The following DPH5 variants were observed in gnomAD, a reference collection of about 807,000 sequenced individuals.
The protein encoded by DPH5 is diphthamide biosynthesis 5, also known as diphthine methyl ester synthase.
Under a neutral mutation model 31.6 loss-of-function variants are expected in DPH5, and 31 were observed. The observed-to-expected ratio is 0.98, with a 90% confidence interval of 0.74 to 1.32. DPH5 has a LOEUF of 1.32. Among genes scored for constraint, DPH5 ranks in the 40% most tolerant of loss-of-function variants. The probability of loss-of-function intolerance (pLI) is 0.00; values close to 1 mark genes in which losing one functional copy is unlikely to be tolerated. For missense variants in DPH5, 309 were observed against 335.7 expected, an observed-to-expected ratio of 0.92 and a Z score of 0.62; for synonymous variants, 120 against 115.0, an observed-to-expected ratio of 1.04 and a Z score of -0.28.
chr1:101,019,451 G>C (rs1323626310), intron 3 of DPH5, among the ~76,000 whole-genome samples: 1 of 152,008 alleles, frequency 6.6e-6, no homozygotes, highest in Admixed American at 6.5e-5. Flanking sequence ...TTTGTCATGT[G>C]TCATTTTACC....
Position 100,993,530 on chromosome 1 carries a change from C to T in DPH5, c.531-790G>A, listed in dbSNP as rs139239274. Among the ~76,000 whole-genome samples, 647 of 117,792 alleles carry T rather than the reference C, an allele frequency of 5.5e-3. 4 individuals carry two copies. The highest frequency in any genetic ancestry group is 0.019 in the African/African-American group (587 of 31,440). The allele number at this position is 117,792 out of a possible 152,430, so 77.3% of individuals were successfully genotyped here. ...TGACACCACTGCACTCCAGCCTGGGCGACAGAGCAAGACTCTGTCGAAAAT... is the reference window on the plus strand; with the variant it reads ...TGACACCACTGCACTCCAGCCTGGGTGACAGAGCAAGACTCTGTCGAAAAT... On this transcript the variant is annotated intron_variant, in intron 6 of 7. Transcript: ENST00000370109.
intron 7 of DPH5, among the ~76,000 whole-genome samples, chr1:100,992,361 T>A (rs1463643520): frequency 6.6e-6 from 1 of 152,154 alleles, no homozygotes; most frequent in Non-Finnish European, 1.5e-5. Flanking sequence ...TACAGTAATA[T>A]ATTTATATCA....
rs747348598 is a variant in DPH5, at chr1:100,990,582, G to A, written c.684C>T (p.Asp228=). The change falls in exon 8 of 8, where the codon GAC becomes GAT. Residue 228 remains aspartate, a synonymous_variant. Transcript: ENST00000370109. ...LCVGLARVGA[D]DQKIAAGTLR... ...AAGTGCCTGCTGCAATTTTCTGGTC[G>A]TCGGCTCCAACCCTGGCTAAGCCAA... is the stretch of plus-strand genomic sequence containing the variant. 19 of 1,613,840 alleles carry A rather than the reference G, an allele frequency of 1.2e-5. No homozygotes were observed. Among genetic ancestry groups the A allele is most frequent in the East Asian group, 2.2e-5 (1 of 44,878 alleles).
At chr1:101,004,734 A>G (rs546467014) in intron 4 of DPH5, among the ~76,000 whole-genome samples, 1 of 152,330 alleles carries the variant, frequency 6.6e-6, no homozygotes, top group African/African-American at 2.4e-5. Flanking sequence ...CCCCACTAAG[A>G]GGGCATCTGA....
At chr1:100,996,009 A>C (rs1658317651) in intron 5 of DPH5, 1 of 152,230 alleles carries the variant, frequency 6.6e-6, no homozygotes, top group Non-Finnish European at 1.5e-5. Flanking sequence ...CTTATAAAGG[A>C]TATCAAAGAG....
chr1:101,001,454 C>T lies in DPH5; in HGVS notation c.490+13G>A. The T allele has an allele frequency of 6.2e-7, 1 of 1,606,042 alleles. No individual in the cohort carries two copies. Among genetic ancestry groups the T allele is most frequent in the Non-Finnish European group, 8.5e-7 (1 of 1,177,594 alleles). On this transcript the variant is annotated intron_variant, in intron 5 of 7. Coordinates refer to ENST00000370109, the MANE Select transcript of DPH5 (RefSeq NM_015958.3). ...TCCATATTGTTACTTCAAGGAAATTCCAAAACCCTTACCTAGTAAACATAA... is the reference window on the plus strand; with the variant it reads ...TCCATATTGTTACTTCAAGGAAATTTCAAAACCCTTACCTAGTAAACATAA...
chr1:101,025,476 G>C lies in DPH5; in HGVS notation c.-23-10C>G. 6.2e-7 allele frequency: 1 copy of C among 1,611,602 alleles called. No homozygotes were observed. Among genetic ancestry groups the C allele is most frequent in the Non-Finnish European group, 8.5e-7 (1 of 1,179,474 alleles). The stretch of plus-strand genomic sequence containing the variant: ...TTGAGGAGAAGAGAGACTGCAAGAC[G>C]AAGTGGACAGAAAAACCGTCAGTAA... On this transcript the variant is annotated splice_polypyrimidine_tract_variant and intron_variant, in intron 1 of 7. Transcript: ENST00000370109.
chr1:100,998,842 C>T (rs551582994), intron 5 of DPH5, among the ~76,000 whole-genome samples: 1 of 152,214 alleles, frequency 6.6e-6, no homozygotes, highest in African/African-American at 2.4e-5. Flanking sequence ...CAGGGTGCAG[C>T]ACATGAGATT....
intron 4 of DPH5, among the ~76,000 whole-genome samples, chr1:101,011,895 CTTTT>C (rs11352737): frequency 1.8e-5 from 2 of 108,172 alleles, no homozygotes; most frequent in Non-Finnish European, 1.9e-5. Context: ...ATTATCAATT[CTTTT>C]TTTTTTTTTT....
chr1:101,024,536 A>C (rs1660689054), intron 2 of DPH5, among the ~76,000 whole-genome samples: 1 of 152,204 alleles, frequency 6.6e-6, no homozygotes. Context: ...CTGAGGCCTA[A>C]AAATTTTAAG....
intron 2 of DPH5, 52 bp from the exon 3 acceptor site, chr1:101,021,817 A>AACAC (rs67726104): frequency 0.14 from 99,238 of 731,950 alleles, 4,210 homozygotes; most frequent in East Asian, 0.21. Flanking sequence ...TGACCATTCT[A>AACAC]ACACACACAC....
intron 4 of DPH5, among the ~76,000 whole-genome samples, chr1:101,012,894 G>A (rs1428843138): frequency 6.6e-6 from 1 of 152,176 alleles, no homozygotes; most frequent in Non-Finnish European, 1.5e-5. Context: ...CATAGCATTG[G>A]TGCCTGATGC....
intron 1 of DPH5, 42 bp from the exon 2 acceptor site, chr1:101,025,508 G>A: frequency 4.4e-6 from 7 of 1,591,670 alleles, no homozygotes; most frequent in Non-Finnish European, 6.0e-6. Flanking sequence ...GTAACACCGA[G>A]GACATCTAAA....
chr1:101,014,686 G>A (rs1248260967), intron 3 of DPH5, among the ~76,000 whole-genome samples: 1 of 151,942 alleles, frequency 6.6e-6, no homozygotes, highest in Non-Finnish European at 1.5e-5. Flanking sequence ...AGATTTCTCT[G>A]TAGCATGCAA....
intron 7 of DPH5, among the ~76,000 whole-genome samples, chr1:100,991,309 T>C (rs1293584178): frequency 1.3e-5 from 2 of 152,194 alleles, no homozygotes; most frequent in African/African-American, 4.8e-5. Flanking sequence ...AATGGTTGTA[T>C]TGTTTAGTTG....
intron 4 of DPH5, 100 bp downstream of exon 4, chr1:101,013,610 G>A: frequency 2.3e-6 from 2 of 857,142 alleles, no homozygotes; most frequent in Non-Finnish European, 3.6e-6. Flanking sequence ...ATAGTAGTAT[G>A]TTTTATGATT....
chr1:101,016,014 A>T lies in DPH5; in HGVS notation c.261-2196T>A, dbSNP rs113596676. 6.4e-3 allele frequency among the ~76,000 whole-genome samples: 968 copies of T among 152,266 alleles called. 16 individuals are homozygous for T. Among genetic ancestry groups the T allele is most frequent in the African/African-American group, 0.02 (840 of 41,534 alleles). On this transcript the variant is annotated intron_variant, in intron 3 of 7. Coordinates refer to ENST00000370109, the MANE Select transcript of DPH5 (RefSeq NM_015958.3). Reference sequence around the variant, plus strand: ...CTATCAGCAATAAGTCTGTTTTACTACCTTATCATTAGAGCATTCGTAAGA... The same window carrying T: ...CTATCAGCAATAAGTCTGTTTTACTTCCTTATCATTAGAGCATTCGTAAGA...
chr1:101,005,923 G>A (rs1659193390), intron 4 of DPH5, among the ~76,000 whole-genome samples: 2 of 152,098 alleles, frequency 1.3e-5, no homozygotes, highest in South Asian at 2.1e-4. Flanking sequence ...TGGGGGAGGT[G>A]AGGGGGGGAG....
At chr1:101,021,554 G>T in intron 3 of DPH5, 87 bp downstream of exon 3, 1 of 1,373,394 alleles carries the variant, frequency 7.3e-7, no homozygotes, top group Non-Finnish European at 9.9e-7. Flanking sequence ...GACCTGGCAG[G>T]TAAAAGTGTT....
Sources: allele counts gnomAD v4.1 joint callset (sites outside exome capture counted in the v4.1 genomes callset), GRCh38; gene constraint gnomAD v4.1.1; transcripts MANE v1.5; gene names NCBI Gene and HGNC (gene_info 2026-07-23, HGNC 2026-07-21).